Variants in CNTLN observed in about 807,000 individuals in gnomAD.
CNTLN encodes centlein, centrosomal protein.
A neutral mutation model predicts 180.0 loss-of-function variants in CNTLN; 212 were observed. The observed-to-expected ratio is 1.18, with a 90% CI of 1.05 to 1.32. The LOEUF (loss-of-function observed/expected upper bound fraction) is 1.32, where lower values mean the gene tolerates loss of function less well. Among genes scored for constraint, CNTLN ranks in the 40% most tolerant of loss-of-function variants. The pLI, the probability that CNTLN is intolerant of heterozygous loss-of-function variation, is 0.00. For synonymous variants in CNTLN, 722 were observed against 563.1 expected (o/e 1.28, Z -3.99); for missense variants, 2,095 against 1,610.9 (o/e 1.30, Z -5.14).
chr9:17,140,996 C>G (rs529749423), intron 1 of CNTLN, among the ~76,000 whole-genome samples: 1 of 151,808 alleles, frequency 6.6e-6, no homozygotes, highest in East Asian at 1.9e-4. Context: ...CTTGCTTTTT[C>G]AAAAAAATCA....
chr9:17,207,743 G>A (rs180714988), intron 2 of CNTLN, among the ~76,000 whole-genome samples: 96 of 152,114 alleles, frequency 6.3e-4, no homozygotes, highest in African/African-American at 1.9e-3. Flanking sequence ...CACCTTCTGC[G>A]TTGGTCTCGC....
intron 12 of CNTLN, among the ~76,000 whole-genome samples, chr9:17,359,717 T>TAAA (rs1456379699): frequency 7.4e-4 from 10 of 13,488 alleles, no homozygotes; most frequent in South Asian, 6.1e-3. Context: ...CCGTCTATAC[T>TAAA]AAAAATACAA....
chr9:17,487,328 G>A, intron 25 of CNTLN: 2 of 433,968 alleles, frequency 4.6e-6, no homozygotes, highest in Non-Finnish European at 8.2e-6. Context: ...CTCTGTGCTT[G>A]CTAGACTGAA....
rs1025656099 is a variant in CNTLN, at chr9:17,247,787, T to A, written c.849+11199T>A. Among the ~76,000 whole-genome samples, 214 of 151,714 alleles carry A rather than the reference T, an allele frequency of 1.4e-3. 2 individuals carry two copies. Among genetic ancestry groups the A allele is most frequent in the African/African-American group, 4.9e-3 (204 of 41,340 alleles). On this transcript the variant is annotated intron_variant, in intron 5 of 25. Coordinates refer to ENST00000380647, the MANE Select transcript of CNTLN (RefSeq NM_017738.4). Reference sequence around the variant, plus strand: ...TTTGCCAAATACTTTTACTTTTTTTTTTTTTTTTGCATCTATTGAAATGAT... The same window carrying A: ...TTTGCCAAATACTTTTACTTTTTTTATTTTTTTTGCATCTATTGAAATGAT...
At chr9:17,364,765 A>T (rs1823671831) in intron 12 of CNTLN, among the ~76,000 whole-genome samples, 1 of 151,988 alleles carries the variant, frequency 6.6e-6, no homozygotes, top group Admixed American at 6.5e-5. Flanking sequence ...CCCTTTAGGG[A>T]TGATTGTGTC....
chr9:17,507,879 C>A (rs1172100734), downstream of CNTLN, among the ~76,000 whole-genome samples: 1 of 152,188 alleles, frequency 6.6e-6, no homozygotes, highest in East Asian at 1.9e-4. Context: ...TCAGCTCCTT[C>A]CAACACTTTT....
intron 8 of CNTLN, among the ~76,000 whole-genome samples, chr9:17,325,182 T>C (rs1458868043): frequency 6.7e-6 from 1 of 149,314 alleles, no homozygotes; most frequent in African/African-American, 2.4e-5. Context: ...TCTTTTTCTT[T>C]TTCTTTTTTT....
At chr9:17,407,408 A>G (rs758831705) in intron 15 of CNTLN, among the ~76,000 whole-genome samples, 14 of 152,272 alleles carry the variant, frequency 9.2e-5, no homozygotes, top group African/African-American at 3.4e-4. Context: ...TAAATACAGA[A>G]CATCTGAATT....
intron 6 of CNTLN, among the ~76,000 whole-genome samples, chr9:17,293,953 T>A (rs1419260546): frequency 6.6e-6 from 1 of 152,132 alleles, no homozygotes. Flanking sequence ...GTGTCCAGAA[T>A]TGGTGCGTTC....
In CNTLN at chr9:17,370,670, G is replaced by A. The variant is rs199889388; in HGVS notation, c.1987+3953G>A. Among the ~76,000 whole-genome samples the A allele has an allele frequency of 9.7e-4, 148 of 152,204 alleles. 2 individuals are homozygous for A. In the South Asian group the frequency reaches 0.017, roughly 17 times the overall value. ...GAATGACATACAATATTGTAATACC[G>A]TAACAGTGGTATACAAACTACTCTT... On this transcript the variant is annotated intron_variant, in intron 13 of 25. Transcript: ENST00000380647.
chr9:17,268,569 T>C (rs987540958), intron 5 of CNTLN, among the ~76,000 whole-genome samples: 6 of 152,194 alleles, frequency 3.9e-5, no homozygotes, highest in African/African-American at 1.4e-4. Flanking sequence ...TTCAAAGCTG[T>C]CAGACAGGGA....
At chr9:17,348,613 C>T (rs1326720519) in intron 12 of CNTLN, among the ~76,000 whole-genome samples, 2 of 151,700 alleles carry the variant, frequency 1.3e-5, no homozygotes, top group African/African-American at 4.8e-5. Flanking sequence ...TCACTGCAGC[C>T]TCTGCCTCCT....
chr9:17,463,792 A>G (rs983521422), intron 20 of CNTLN, among the ~76,000 whole-genome samples: 7 of 151,736 alleles, frequency 4.6e-5, no homozygotes, highest in African/African-American at 1.7e-4. Context: ...TTCCCTACCT[A>G]CTAGGCCTAT....
Position 17,366,681 on chromosome 9 carries a change from C to A in CNTLN, c.1951C>A (p.Gln651Lys). 1 of 1,585,330 alleles carries A rather than the reference C, an allele frequency of 6.3e-7. No individual in the cohort carries two copies. ...TATATCTATTGATAAGGCAGCAATA[C>A]AAGAATTGAATAGATGTGTGGCAGA... ...VHISIDKAAIQELNRCVAERR... is the reference protein window; with the variant it reads ...VHISIDKAAIKELNRCVAERR... Residue 651 changes from glutamine to lysine, a missense_variant, in exon 13 of 26, where the codon CAA becomes AAA. Transcript: ENST00000380647.
chr9:17,440,899 G>A (rs1830070007), intron 18 of CNTLN, among the ~76,000 whole-genome samples: 1 of 152,194 alleles, frequency 6.6e-6, no homozygotes, highest in Non-Finnish European at 1.5e-5. Flanking sequence ...AAAATCCATA[G>A]ACAGAAATTG....
chr9:17,268,783 G>A (rs540913090), intron 5 of CNTLN, among the ~76,000 whole-genome samples: 16 of 151,878 alleles, frequency 1.1e-4, no homozygotes, highest in African/African-American at 3.6e-4. Flanking sequence ...TTGCAGTTTG[G>A]TCTCAGACTG....
chr9:17,188,832 T>C (rs1821601185), intron 2 of CNTLN, among the ~76,000 whole-genome samples: 2 of 152,068 alleles, frequency 1.3e-5, no homozygotes, highest in African/African-American at 4.8e-5. Flanking sequence ...AAAAACTGTT[T>C]CAAGGTTTTT....
At chr9:17,295,497 C>A (rs1467194208) in intron 6 of CNTLN, among the ~76,000 whole-genome samples, 1 of 152,186 alleles carries the variant, frequency 6.6e-6, no homozygotes, top group Non-Finnish European at 1.5e-5. Context: ...TCCTTGCTCT[C>A]TGTGGGTTGT....
At chr9:17,506,989 A>C (rs550065069), downstream of CNTLN, among the ~76,000 whole-genome samples, 1 of 152,258 alleles carries the variant, frequency 6.6e-6, no homozygotes, top group South Asian at 2.1e-4. Flanking sequence ...AACATTCAAA[A>C]TCCTGTCTTT....
Sources: allele counts gnomAD v4.1 joint callset (sites outside exome capture counted in the v4.1 genomes callset), GRCh38; gene constraint gnomAD v4.1.1; transcripts MANE v1.5; gene names NCBI Gene and HGNC (gene_info 2026-07-23, HGNC 2026-07-21).